The following PARD3 variants were observed in gnomAD, a reference collection of about 807,000 sequenced individuals.
The protein encoded by PARD3 is par-3 family cell polarity regulator.
PARD3 carries 75 observed loss-of-function variants against 155.4 expected under a neutral mutation model. The observed-to-expected ratio is 0.48, with a 90% CI of 0.40 to 0.58. The LOEUF (loss-of-function observed/expected upper bound fraction) is 0.58. Among genes scored for constraint, PARD3 ranks in the 20% least tolerant of loss-of-function variants. The pLI, the probability that PARD3 is intolerant of heterozygous loss-of-function variation, is 0.00. For missense variants in PARD3, 1,642 were observed against 1,721.7 expected (o/e 0.95, Z 0.82); for synonymous variants, 576 against 610.5 (o/e 0.94, Z 0.83).
At chr10:34,332,598 A>G (rs896383298) in intron 18 of PARD3, among the ~76,000 whole-genome samples, 2 of 152,222 alleles carry the variant, frequency 1.3e-5, no homozygotes, top group African/African-American at 4.8e-5. Flanking sequence ...TAATTTTTTA[A>G]GATTCACTGA....
At chr10:34,417,156 T>C (rs1049631722) in intron 5 of PARD3, among the ~76,000 whole-genome samples, 2 of 151,072 alleles carry the variant, frequency 1.3e-5, no homozygotes, top group South Asian at 2.1e-4. Flanking sequence ...TTCAAGCCTT[T>C]GGGGAGACTG....
rs180811987 is a variant in PARD3 at position 34,727,930 on chromosome 10, A to G, written c.121-31511T>C. Among the ~76,000 whole-genome samples the G allele has an allele frequency of 1.6e-4, 24 of 149,176 alleles. 1 individual carries two copies. Among genetic ancestry groups the G allele is most frequent in the Admixed American group, 1.5e-3 (23 of 14,910 alleles). ...CACCACTTCCATCCAACCCCTCCAG[A>G]CTCAACCATTACCACATACTGGGCA... On this transcript the variant is annotated intron_variant, in intron 1 of 24. Transcript: ENST00000374788.
intron 2 of PARD3, among the ~76,000 whole-genome samples, chr10:34,558,191 T>C (rs1402008020): frequency 6.6e-6 from 1 of 152,164 alleles, no homozygotes; most frequent in Non-Finnish European, 1.5e-5. Flanking sequence ...TACGTAATTA[T>C]ATTCCCCATT....
chr10:34,319,181 C>T (rs560348210), intron 19 of PARD3, among the ~76,000 whole-genome samples: 4 of 148,968 alleles, frequency 2.7e-5, no homozygotes, highest in South Asian at 2.2e-4. Flanking sequence ...CTCCACCTCC[C>T]GGGTTCATGT....
intron 1 of PARD3, among the ~76,000 whole-genome samples, chr10:34,706,736 G>A (rs1397333021): frequency 6.6e-6 from 1 of 151,992 alleles, no homozygotes; most frequent in Non-Finnish European, 1.5e-5. Context: ...ACTCCAGCTG[G>A]GGTAACAAAG....
At chr10:34,255,075 C>T (rs1367433539) in intron 22 of PARD3, among the ~76,000 whole-genome samples, 1 of 151,852 alleles carries the variant, frequency 6.6e-6, no homozygotes, top group Non-Finnish European at 1.5e-5. Context: ...TTGCAAAACC[C>T]CCAAAACCCT....
chr10:34,447,965 C>A (rs1406491269), intron 5 of PARD3, among the ~76,000 whole-genome samples: 1 of 152,094 alleles, frequency 6.6e-6, no homozygotes, highest in African/African-American at 2.4e-5. Flanking sequence ...ACCATATGAT[C>A]CAGCAATTCT....
At chr10:34,461,736 C>T (rs1044932234) in intron 4 of PARD3, among the ~76,000 whole-genome samples, 1 of 152,126 alleles carries the variant, frequency 6.6e-6, no homozygotes, top group African/African-American at 2.4e-5. Context: ...GGTTCTCTCC[C>T]CTAAGTCAAG....
At chr10:34,297,793 G>T (rs1956976225) in intron 20 of PARD3, among the ~76,000 whole-genome samples, 1 of 152,222 alleles carries the variant, frequency 6.6e-6, no homozygotes, top group African/African-American at 2.4e-5. Flanking sequence ...AGAGGCAGGT[G>T]CTGCAAGCTG....
chr10:34,127,763 AGCT>A (rs1947364137), intron 23 of PARD3, among the ~76,000 whole-genome samples: 1 of 152,166 alleles, frequency 6.6e-6, no homozygotes, highest in Admixed American at 6.5e-5. Flanking sequence ...TTCCATATTC[AGCT>A]GCTGTTTTCT....
chr10:34,418,218 C>T lies in PARD3; in HGVS notation c.715-16301G>A, dbSNP rs371317643. On this transcript the variant is annotated intron_variant, in intron 5 of 24. Coordinates refer to ENST00000374788, the MANE Select transcript of PARD3 (RefSeq NM_001184785.2). ...TGAGGCGTGGTCTTGTTCTATCGCC[C>T]GACTGGAGTGCAGTGGCTTGATCTT... Among the ~76,000 whole-genome samples the T allele has an allele frequency of 2.6e-4, 40 of 152,048 alleles. No individual in the cohort carries two copies. The East Asian group carries it at 7.3e-3, about 28-fold the overall frequency.
chr10:34,555,426 G>A (rs959349701), intron 2 of PARD3, among the ~76,000 whole-genome samples: 10 of 151,938 alleles, frequency 6.6e-5, no homozygotes, highest in Non-Finnish European at 1.3e-4. Context: ...AATTCACTTA[G>A]AATACAAAAT....
intron 1 of PARD3, among the ~76,000 whole-genome samples, chr10:34,697,859 C>T (rs2094204440): frequency 6.6e-6 from 1 of 151,544 alleles, no homozygotes; most frequent in African/African-American, 2.4e-5. Context: ...ACAACATCAT[C>T]CAGGAGTCCC....
At position 34,266,068 on chromosome 10, in the gene PARD3, G is replaced by C. The variant is rs192617844; in HGVS notation, c.3419+3589C>G. On this transcript the variant is annotated intron_variant, in intron 22 of 24. Coordinates refer to ENST00000374788, the MANE Select transcript of PARD3 (RefSeq NM_001184785.2). ...TTGTTCATTTGAAGGTAATGGCTTT[G>C]CCATTTTTGTATTTAATTTGTAAAG... Among the ~76,000 whole-genome samples the C allele has an allele frequency of 1.4e-4, 22 of 152,278 alleles. No individual in the cohort carries two copies. In the East Asian group the frequency reaches 4.2e-3, roughly 29 times the overall value.
chr10:34,654,800 T>C (rs2093118944), intron 2 of PARD3, among the ~76,000 whole-genome samples: 1 of 152,106 alleles, frequency 6.6e-6, no homozygotes, highest in Non-Finnish European at 1.5e-5. Flanking sequence ...CATCTATGCT[T>C]TCCTTAATTC....
chr10:34,231,173 T>A (rs1588869396), intron 22 of PARD3, among the ~76,000 whole-genome samples: 1 of 148,032 alleles, frequency 6.8e-6, no homozygotes, highest in East Asian at 2.0e-4. Flanking sequence ...TTTATTAAAA[T>A]AGCTTTATAT....
chr10:34,613,079 T>C (rs760928722), intron 2 of PARD3, among the ~76,000 whole-genome samples: 16 of 152,182 alleles, frequency 1.1e-4, no homozygotes, highest in Non-Finnish European at 2.4e-4. Context: ...AAGTCCAACA[T>C]ACAAAGTAAC....
chr10:34,328,297 T>C (rs931508565), intron 19 of PARD3, among the ~76,000 whole-genome samples: 3 of 152,076 alleles, frequency 2.0e-5, no homozygotes, highest in African/African-American at 4.8e-5. Context: ...TTGTGTTTGG[T>C]AATGCAAGAT....
intron 5 of PARD3, among the ~76,000 whole-genome samples, chr10:34,413,138 TATATATACACACAC>T (rs892839702): frequency 3.2e-5 from 3 of 93,610 alleles, no homozygotes; most frequent in East Asian, 2.5e-4. Flanking sequence ...GTACTTCAGA[TATATATACACACAC>T]ACACACACAC....
Sources: gnomAD v4.1 joint callset for allele counts (sites outside exome capture counted in the v4.1 genomes callset) on GRCh38, gnomAD v4.1.1 for gene constraint, MANE v1.5 for transcripts, NCBI Gene and HGNC (gene_info 2026-07-23, HGNC 2026-07-21) for gene names.